MUC3A: variants seen among roughly 807,000 people sequenced by gnomAD.
MUC3A encodes mucin-3A.
MUC3A carries 109 observed loss-of-function variants against 109.0 expected under a neutral mutation model. The observed-to-expected ratio is 1.00, with a 90% CI of 0.86 to 1.17. MUC3A has a LOEUF of 1.17. Among genes scored for constraint, MUC3A ranks in the 50% most tolerant of loss-of-function variants. The probability of loss-of-function intolerance (pLI) is 0.00; values close to 1 mark genes in which losing one functional copy is unlikely to be tolerated. For missense variants in MUC3A, 3,537 were observed against 2,469.4 expected (o/e 1.43, Z -9.16); for synonymous variants, 1,398 against 981.4 (o/e 1.42, Z -7.93).
rs1161528632 is a variant in MUC3A, at chr7:100,960,574, C to T, written c.8795C>T (p.Thr2932Ile). The T allele has an allele frequency of 1.1e-5, 18 of 1,598,618 alleles. No individual in the cohort carries two copies. In the Admixed American group the frequency reaches 2.2e-4, roughly 19 times the overall value. Residue 2932 changes from threonine (T) to isoleucine (I), a missense_variant, in exon 2 of 12, where the codon ACC becomes ATC. By Grantham distance (89) the Thr-to-Ile change is moderately conservative. Transcript: ENST00000379458. ...TPVATTQTPTTLTSRRTTRIT... is the reference protein window; with the variant it reads ...TPVATTQTPTILTSRRTTRIT... The stretch of plus-strand genomic sequence containing the variant: ...GTGGCCACTACCCAGACTCCTACCA[C>T]CCTTACATCACGCAGGACAACTCGC...
Position 100,966,703 on chromosome 7 carries a change from G to C in MUC3A, c.9837G>C (p.Val3279=), listed in dbSNP as rs747333671. Residue 3279 remains valine (V), a synonymous_variant, in exon 10 of 12, where the codon GTG becomes GTC. Transcript: ENST00000379458. ...TCGAGACCTGGGATGAGGAAGTCGT[G>C]GGCACTTTTTCAAACTGGGGTTTCG... ...KWFETWDEEV[V]GTFSNWGFED... 3 of 1,598,434 alleles carry C rather than the reference G, an allele frequency of 1.9e-6. No homozygotes were observed. The African/African-American group carries it at 4.0e-5, about 21-fold the overall frequency.
In MUC3A at chr7:100,964,756, G is replaced by C; in HGVS notation, c.9295G>C (p.Glu3099Gln). 6.3e-7 allele frequency: 1 copy of C among 1,598,518 alleles called. No homozygotes were observed. The highest frequency in any genetic ancestry group is 1.1e-5 in the South Asian group (1 of 91,088). Residue 3099 changes from glutamate (E) to glutamine (Q), a missense_variant, in exon 6 of 12, where the codon GAG becomes CAG. By Grantham distance (29) the Glu-to-Gln change is conservative. Coordinates refer to ENST00000379458, the MANE Select transcript of MUC3A (RefSeq NM_005960.2). ...GGAGATGCCCTTCAGCCCCCAGCTG[G>C]AGAGCGAGTATGAGCAGGTGAAGAC... is the stretch of plus-strand genomic sequence containing the variant. The part of the protein sequence containing the change: ...LLEMPFSPQL[E>Q]SEYEQVKTTL...
rs1170722273 is a variant in MUC3A, at chr7:100,954,270, G to A, written c.2491G>A (p.Val831Met). 10 of 430,042 alleles carry A rather than the reference G, an allele frequency of 2.3e-5. No individual in the cohort carries two copies. Among genetic ancestry groups the A allele is most frequent in the Admixed American group, 8.5e-5 (2 of 23,460 alleles). 26.6% of individuals were successfully genotyped at this position (430,042 alleles called of 1,614,324 possible). ...ACCAACAACCATCACTCCCTCATCC[G>A]TGGGCATCAGTGGTTCATTACCTAT... Reference protein sequence around the residue: ...SQPTTITPSSVGISGSLPMMT... With the variant: ...SQPTTITPSSMGISGSLPMMT... The change falls in exon 2 of 12, where the codon GTG becomes ATG. Residue 831 changes from valine (V) to methionine (M), a missense_variant. Physicochemically the swap from Val to Met is conservative, Grantham distance 21. Transcript: ENST00000379458.
chr7:100,960,120 T>G lies in MUC3A; in HGVS notation c.8341T>G (p.Ser2781Ala). The change falls in exon 2 of 12, where the codon TCC becomes GCC. Residue 2781 changes from serine to alanine, a missense_variant. Ser to Ala is a moderately conservative substitution (Grantham distance 99, BLOSUM62 1). Transcript: ENST00000379458. The stretch of plus-strand genomic sequence containing the variant: ...TATAACAATTACCATAGTCCCTGCC[T>G]CCCCCACTGATCCATGTGTTGAAAT... ...GTITITIVPASPTDPCVEMDP... is the reference protein window; with the variant it reads ...GTITITIVPAAPTDPCVEMDP... The G allele has an allele frequency of 1.3e-6, 2 of 1,542,924 alleles. No individual in the cohort carries two copies. The highest frequency in any genetic ancestry group is 1.2e-5 in the South Asian group (1 of 80,368).
chr7:100,967,494 C>G lies in MUC3A; in HGVS notation c.*332C>G, dbSNP rs989808376. The G allele has an allele frequency of 3.7e-6, 2 of 542,350 alleles. No individual in the cohort carries two copies. The highest frequency in any genetic ancestry group is 5.9e-5 in the East Asian group (2 of 34,070). 33.6% of individuals were successfully genotyped at this position (542,350 alleles called of 1,614,324 possible). On this transcript the variant is annotated 3_prime_UTR_variant, in exon 12 of 12. Coordinates refer to ENST00000379458, the MANE Select transcript of MUC3A (RefSeq NM_005960.2). ...AAACCACATAGACTTGGTCAATTCT[C>G]GGTCCTACTCTGCCCTCCCGTCTCA...
intron 8 of MUC3A, 163 bp from the exon 9 acceptor site, chr7:100,966,223 G>A (rs1442332914): frequency 5.5e-5 from 14 of 253,240 alleles, no homozygotes; most frequent in Admixed American, 2.3e-4. Context: ...GTAGAGCCCC[G>A]GCCCCTCGTT....
In MUC3A at chr7:100,960,523, C is replaced by T; in HGVS notation, c.8744C>T (p.Pro2915Leu). ...AGCAAGTCAACACACCCCTCCCCACCCACCACTAGGACTTCAGAGACACCA... is the reference window on the plus strand; with the variant it reads ...AGCAAGTCAACACACCCCTCCCCACTCACCACTAGGACTTCAGAGACACCA... ...TSSKSTHPSP[P>L]TTRTSETPVA... Residue 2915 changes from proline (P) to leucine (L), a missense_variant, in exon 2 of 12, where the codon CCC (proline) becomes CTC (leucine). By Grantham distance (98) the Pro-to-Leu change is moderately conservative (BLOSUM62 -3). Coordinates refer to ENST00000379458, the MANE Select transcript of MUC3A (RefSeq NM_005960.2). 6.3e-7 allele frequency: 1 copy of T among 1,598,722 alleles called. No homozygotes were observed. The highest frequency in any genetic ancestry group is 2.2e-5 in the East Asian group (1 of 44,890).
Position 100,959,955 on chromosome 7 carries a change from T to A in MUC3A, c.8176T>A (p.Ser2726Thr), listed in dbSNP as rs763352035. 17 of 1,509,840 alleles carry A rather than the reference T, an allele frequency of 1.1e-5. No homozygotes were observed. Among genetic ancestry groups the A allele is most frequent in the Non-Finnish European group, 1.4e-5 (16 of 1,140,408 alleles). The allele number at this position is 1,509,840 out of a possible 1,614,324, so 93.5% of individuals were successfully genotyped here. Reference protein sequence around the residue: ...IFSTENVGSASITGFPSLSSS... With the variant: ...IFSTENVGSATITGFPSLSSS... The stretch of plus-strand genomic sequence containing the variant: ...CAGTACAGAAAATGTGGGCTCCGCT[T>A]CTATCACAGGCTTTCCTAGTCTCTC... The change falls in exon 2 of 12, where the codon TCT (serine) becomes ACT (threonine). Residue 2726 changes from serine to threonine, a missense_variant. Physicochemically the swap from Ser to Thr is moderately conservative, Grantham distance 58. Coordinates refer to ENST00000379458, the MANE Select transcript of MUC3A (RefSeq NM_005960.2).
Position 100,966,881 on chromosome 7 carries a change from G to T in MUC3A, c.9878-18G>T, listed in dbSNP as rs761906263. On this transcript the variant is annotated intron_variant, in intron 10 of 11. Transcript: ENST00000379458. ...CCTCCCTCTCCCCTTCTCTTTCTCCGCTCCTCTCTCTCTCTAGACAAGGAT... is the reference window on the plus strand; with the variant it reads ...CCTCCCTCTCCCCTTCTCTTTCTCCTCTCCTCTCTCTCTCTAGACAAGGAT... 1 of 1,598,514 alleles carries T rather than the reference G, an allele frequency of 6.3e-7. No individual in the cohort carries two copies. The highest frequency in any genetic ancestry group is 2.2e-5 in the East Asian group (1 of 44,892).
Position 100,966,090 on chromosome 7 carries a change from C to A in MUC3A, c.9611+224C>A, listed in dbSNP as rs901407444. The A allele has an allele frequency of 1.6e-5, 7 of 441,804 alleles. No homozygotes were observed. In the African/African-American group the frequency reaches 4.3e-4, roughly 27 times the overall value. The allele number at this position is 441,804 out of a possible 1,614,324, so 27.4% of individuals were successfully genotyped here. ...CCTGTCCCCTAATTCTGGGAGAGAA[C>A]CCCGCCCACTCATTCTAGGGTGGGG... On this transcript the variant is annotated intron_variant, in intron 8 of 11. Transcript: ENST00000379458.
chr7:100,954,989 T>TG lies in MUC3A; in HGVS notation c.3210_3211insG (p.Thr1071AspfsTer14). 2.1e-6 allele frequency: 1 copy of TG among 483,038 alleles called. No individual in the cohort carries two copies. Among genetic ancestry groups the TG allele is most frequent in the Non-Finnish European group, 3.6e-6 (1 of 274,944 alleles). 29.9% of individuals were successfully genotyped at this position (483,038 alleles called of 1,614,324 possible). A position where few individuals can be genotyped will look rare whatever the true frequency, so the allele number is the denominator to read the frequency against. ...CCACCCCTCTATCCACCTTGGTGACTACACTCCTCACTACCATCACCAGAT... is the reference window on the plus strand; with the variant it reads ...CCACCCCTCTATCCACCTTGGTGACTGACACTCCTCACTACCATCACCAGAT... On this transcript the variant is annotated frameshift_variant, in exon 2 of 12. Transcript: ENST00000379458. LOFTEE classifies it high-confidence loss of function.
At position 100,966,697 on chromosome 7, in the gene MUC3A, A is replaced by T. The variant is rs1485295628; in HGVS notation, c.9831A>T (p.Glu3277Asp). 1 of 1,598,554 alleles carries T rather than the reference A, an allele frequency of 6.3e-7. No individual in the cohort carries two copies. Among genetic ancestry groups the T allele is most frequent in the Non-Finnish European group, 8.5e-7 (1 of 1,179,830 alleles). ...DRKWFETWDEEVVGTFSNWGF... is the reference protein window; with the variant it reads ...DRKWFETWDEDVVGTFSNWGF... Reference sequence around the variant, plus strand: ...AATGGTTCGAGACCTGGGATGAGGAAGTCGTGGGCACTTTTTCAAACTGGG... The same window carrying T: ...AATGGTTCGAGACCTGGGATGAGGATGTCGTGGGCACTTTTTCAAACTGGG... The change falls in exon 10 of 12, where the codon GAA becomes GAT. Residue 3277 changes from glutamate (E) to aspartate (D), a missense_variant. Transcript: ENST00000379458.
chr7:100,968,109 C>T lies in MUC3A; in HGVS notation c.*947C>T, dbSNP rs1354305932. 6.5e-6 allele frequency: 1 copy of T among 153,784 alleles called. No individual in the cohort carries two copies. Among genetic ancestry groups the T allele is most frequent in the Non-Finnish European group, 1.4e-5 (1 of 69,112 alleles). The allele number at this position is 153,784 out of a possible 1,614,324, so 9.5% of individuals were successfully genotyped here. ...CCCAAGGAAAGGCAGCCCCCTCAGT[C>T]TCCCTCCTCCTCATTTCCTTCGATC... On this transcript the variant is annotated 3_prime_UTR_variant, in exon 12 of 12. Transcript: ENST00000379458.
chr7:100,966,001 C>G (rs1178328828), intron 8 of MUC3A, 135 bp downstream of exon 8: 2 of 1,374,236 alleles, frequency 1.5e-6, no homozygotes, highest in Non-Finnish European at 1.9e-6. Flanking sequence ...CCGCTCCAAG[C>G]CCATCCCCGT....
intron 4 of MUC3A, 33 bp from the exon 5 acceptor site, chr7:100,963,655 C>T (rs117680348): frequency 0.042 from 65,683 of 1,575,882 alleles, no homozygotes; most frequent in Middle Eastern, 0.092. Flanking sequence ...TCTGCAGGTT[C>T]GGACGTGAGC....
At position 100,962,089 on chromosome 7, in the gene MUC3A, G is replaced by A. The variant is rs1210999978; in HGVS notation, c.9053-1062G>A. The stretch of plus-strand genomic sequence containing the variant: ...CTACTAAAAATACAAAAAATTAGCC[G>A]GGCGTAGTGGCGGGCGCCTGTAGTC... On this transcript the variant is annotated intron_variant, in intron 3 of 11. Transcript: ENST00000379458. 8.6e-5 allele frequency among the ~76,000 whole-genome samples: 9 copies of A among 104,362 alleles called. 1 individual carries two copies. The highest frequency in any genetic ancestry group is 6.2e-4 in the Admixed American group (5 of 8,096). 68.5% of individuals were successfully genotyped at this position (104,362 alleles called of 152,430 possible).
chr7:100,953,710 T>G lies in MUC3A; in HGVS notation c.1931T>G (p.Val644Gly). ...ITSSVTSTNT[V>G]TSMTTTTSPP... ...TCATCAGTCACTTCCACAAATACAG[T>G]GACTTCTATGACAACTACGACCTCT... The change falls in exon 2 of 12, where the codon GTG becomes GGG. Residue 644 changes from valine (V) to glycine (G), a missense_variant. Physicochemically the swap from Val to Gly is moderately radical, Grantham distance 109. Transcript: ENST00000379458. 6.6e-6 allele frequency: 3 copies of G among 452,330 alleles called. No homozygotes were observed. The highest frequency in any genetic ancestry group is 1.2e-5 in the Non-Finnish European group (3 of 256,738). 28.0% of individuals were successfully genotyped at this position (452,330 alleles called of 1,614,324 possible). A position where few individuals can be genotyped will look rare whatever the true frequency, so the allele number is the denominator to read the frequency against.
chr7:100,951,721 A>T (rs74796492), intron 1 of MUC3A, 120 bp from the exon 2 acceptor site: 3 of 1,403,692 alleles, frequency 2.1e-6, no homozygotes, highest in Non-Finnish European at 2.9e-6. Context: ...GTCAGCTGTA[A>T]TATGCCCTGC....
In MUC3A at chr7:100,963,762, C is replaced by T; in HGVS notation, c.9233+10C>T. 6.3e-7 allele frequency: 1 copy of T among 1,598,572 alleles called. No individual in the cohort carries two copies. The highest frequency in any genetic ancestry group is 1.1e-5 in the South Asian group (1 of 91,090). On this transcript the variant is annotated intron_variant, in intron 5 of 11. Coordinates refer to ENST00000379458, the MANE Select transcript of MUC3A (RefSeq NM_005960.2). Reference sequence around the variant, plus strand: ...AGATCCTGTCCCTGAGGTAGGAGACCCATCTGGGGATGCGGAGGCGGTGTT... The same window carrying T: ...AGATCCTGTCCCTGAGGTAGGAGACTCATCTGGGGATGCGGAGGCGGTGTT...
Sources: gnomAD v4.1 joint callset for allele counts (sites outside exome capture counted in the v4.1 genomes callset) on GRCh38, gnomAD v4.1.1 for gene constraint, MANE v1.5 for transcripts, NCBI Gene and HGNC (gene_info 2026-07-23, HGNC 2026-07-21) for gene names.